AOPEP: variants seen among roughly 807,000 people sequenced by gnomAD.
The protein encoded by AOPEP is aminopeptidase O (putative).
Under a neutral mutation model 98.1 loss-of-function variants are expected in AOPEP, and 77 were observed. The ratio of observed to expected loss-of-function variants is 0.78; its 90% CI spans 0.65 to 0.95. AOPEP has a LOEUF of 0.95. Among genes scored for constraint, AOPEP ranks in the 40% least tolerant of loss-of-function variants. AOPEP has a pLI of 0.00. For missense variants in AOPEP, 1,024 were observed against 1,024.7 expected (o/e 1.00, Z 0.01); for synonymous variants, 346 against 365.3 (o/e 0.95, Z 0.60).
intron 5 of AOPEP, among the ~76,000 whole-genome samples, chr9:94,841,045 C>G (rs2042204341): frequency 6.6e-6 from 1 of 151,942 alleles, no homozygotes; most frequent in East Asian, 1.9e-4. Flanking sequence ...ATTTATTTTG[C>G]CCTTCTTTTT....
chr9:94,779,648 T>C (rs1158830070), intron 3 of AOPEP, among the ~76,000 whole-genome samples: 1 of 151,718 alleles, frequency 6.6e-6, no homozygotes, highest in Non-Finnish European at 1.5e-5. Context: ...TTCAAATTTA[T>C]AATTTATAAT....
chr9:94,906,482 TA>T (rs369114160), intron 5 of AOPEP, among the ~76,000 whole-genome samples: 1 of 95,380 alleles, frequency 1.0e-5, no homozygotes. Flanking sequence ...ATAATAATAA[TA>T]AAAAAACAGA....
intron 13 of AOPEP, among the ~76,000 whole-genome samples, chr9:95,052,649 A>C (rs1300839498): frequency 6.6e-6 from 1 of 152,238 alleles, no homozygotes; most frequent in Non-Finnish European, 1.5e-5. Context: ...AAAATTACTA[A>C]ATTTGTAATG....
rs984603045 is a variant in AOPEP, at chr9:94,955,765, A to G, written c.1765-143A>G. The G allele has an allele frequency of 8.7e-6, 5 of 575,398 alleles. No individual in the cohort carries two copies. In the African/African-American group the frequency reaches 9.2e-5, roughly 11 times the overall value. 35.6% of individuals were successfully genotyped at this position (575,398 alleles called of 1,614,324 possible). On this transcript the variant is annotated intron_variant, in intron 8 of 16. Coordinates refer to ENST00000375315, the MANE Select transcript of AOPEP (RefSeq NM_001193329.3). ...TCCAGGCCACGCCTTCCTGGTGAAAATGGAAAGGGCAGCCAGGGACAGGTA... is the reference window on the plus strand; with the variant it reads ...TCCAGGCCACGCCTTCCTGGTGAAAGTGGAAAGGGCAGCCAGGGACAGGTA...
chr9:94,979,262 C>T (rs2060032201), intron 10 of AOPEP, 105 bp from the exon 11 acceptor site: 9 of 730,422 alleles, frequency 1.2e-5, no homozygotes, highest in African/African-American at 1.7e-5. Context: ...ACGGGCACTT[C>T]TGGAAGATCG....
intron 5 of AOPEP, among the ~76,000 whole-genome samples, chr9:94,864,538 GT>G (rs1223336503): frequency 6.6e-6 from 1 of 152,064 alleles, no homozygotes; most frequent in Non-Finnish European, 1.5e-5. Flanking sequence ...TTTCTAAAAA[GT>G]TTATATCTGG....
At position 95,087,136 on chromosome 9, in the gene AOPEP, A is replaced by C. The variant is rs2070770897; in HGVS notation, c.*459A>C. ...GAGAATCTAAGATATATTATTAATA[A>C]ATGTAATGGATTTTTTTTTTGTATA... On this transcript the variant is annotated 3_prime_UTR_variant, in exon 17 of 17. Transcript: ENST00000375315. The C allele has an allele frequency of 1.2e-5, 2 of 165,730 alleles. No individual in the cohort carries two copies. The highest frequency in any genetic ancestry group is 2.5e-5 in the Non-Finnish European group (2 of 80,446). The allele number at this position is 165,730 out of a possible 1,614,324, so 10.3% of individuals were successfully genotyped here.
intron 11 of AOPEP, among the ~76,000 whole-genome samples, chr9:94,986,713 C>CT (rs140099875): frequency 0.012 from 1,785 of 152,292 alleles, 33 homozygotes; most frequent in African/African-American, 0.04. Flanking sequence ...ATTGGGGCAT[C>CT]TGATTTGACA....
rs2070747464 is a variant in AOPEP at position 95,086,706 on chromosome 9, A to AT, written c.*31dup. 1.0e-6 allele frequency: 1 copy of AT among 988,172 alleles called. No individual in the cohort carries two copies. Among genetic ancestry groups the AT allele is most frequent in the Non-Finnish European group, 1.2e-6 (1 of 830,530 alleles). 61.2% of individuals were successfully genotyped at this position (988,172 alleles called of 1,614,324 possible). ...GGAAAGACCACAGCAAGATTCTTTC[A>AT]TTCGTCTCCTCCTAGCCTGGGGGAC... On this transcript the variant is annotated 3_prime_UTR_variant, in exon 17 of 17. Coordinates refer to ENST00000375315, the MANE Select transcript of AOPEP (RefSeq NM_001193329.3).
intron 5 of AOPEP, among the ~76,000 whole-genome samples, chr9:94,838,837 AT>A (rs1189148208): frequency 6.8e-6 from 1 of 147,750 alleles, no homozygotes; most frequent in Non-Finnish European, 1.5e-5. Context: ...TCCTGTATGT[AT>A]TTTACCAGAT....
chr9:95,103,575 G>A, the AOPEP span, among the ~76,000 whole-genome samples: 2 of 152,222 alleles, frequency 1.3e-5, no homozygotes, highest in Non-Finnish European at 2.9e-5. Context: ...AAGTGAGGGA[G>A]CAAGTGGACG....
intron 6 of AOPEP, among the ~76,000 whole-genome samples, chr9:94,925,914 CT>C (rs1427994527): frequency 1.3e-5 from 2 of 152,212 alleles, no homozygotes; most frequent in African/African-American, 4.8e-5. Context: ...TGTGAATGAG[CT>C]TAGCACAGTG....
chr9:95,112,510 C>T, the AOPEP span, among the ~76,000 whole-genome samples: 2 of 152,210 alleles, frequency 1.3e-5, no homozygotes, highest in African/African-American at 4.8e-5. Flanking sequence ...ATTTGAGCAA[C>T]AGAGACATGT....
At chr9:94,981,927 C>T (rs1442426106) in intron 11 of AOPEP, among the ~76,000 whole-genome samples, 2 of 152,038 alleles carry the variant, frequency 1.3e-5, no homozygotes, top group Non-Finnish European at 2.9e-5. Context: ...TGGTTGGCCT[C>T]GATTTTCCTT....
chr9:94,969,710 A>G (rs1027916547), intron 10 of AOPEP, among the ~76,000 whole-genome samples: 2 of 152,330 alleles, frequency 1.3e-5, no homozygotes, highest in East Asian at 3.9e-4. Context: ...CCTGGCCAAC[A>G]TAATTTCTAA....
chr9:94,960,883 G>A lies in AOPEP; in HGVS notation c.1872+4868G>A, dbSNP rs186556869. On this transcript the variant is annotated intron_variant, in intron 9 of 16. Coordinates refer to ENST00000375315, the MANE Select transcript of AOPEP (RefSeq NM_001193329.3). ...AAAAATTAGCCGGGCGCGGTGGGGG[G>A]CGCCTGTAGTCCCAGCTACTCGGGA... Among the ~76,000 whole-genome samples, 799 of 152,096 alleles carry A rather than the reference G, an allele frequency of 5.3e-3. 14 individuals are homozygous for A. The highest frequency in any genetic ancestry group is 0.044 in the East Asian group (225 of 5,148).
intron 7 of AOPEP, among the ~76,000 whole-genome samples, chr9:94,929,741 G>C (rs139476673): frequency 3.9e-5 from 6 of 152,378 alleles, no homozygotes; most frequent in African/African-American, 1.4e-4. Context: ...CTTCCACTTA[G>C]CAGGGACATG....
At chr9:94,975,214 G>A (rs1465078005) in intron 10 of AOPEP, among the ~76,000 whole-genome samples, 1 of 152,056 alleles carries the variant, frequency 6.6e-6, no homozygotes, top group Non-Finnish European at 1.5e-5. Flanking sequence ...TCCAGGCTGA[G>A]TGACAAAGTG....
At chr9:95,077,685 A>C (rs1243639737) in intron 14 of AOPEP, among the ~76,000 whole-genome samples, 1 of 152,022 alleles carries the variant, frequency 6.6e-6, no homozygotes, top group South Asian at 2.1e-4. Context: ...TTGATGCAGG[A>C]GGGCAGAGCA....
Sources: allele counts gnomAD v4.1 joint callset (sites outside exome capture counted in the v4.1 genomes callset), GRCh38; gene constraint gnomAD v4.1.1; transcripts MANE v1.5; gene names NCBI Gene and HGNC (gene_info 2026-07-23, HGNC 2026-07-21).